Variants in HTR3B observed in about 807,000 individuals in gnomAD.
HTR3B encodes 5-hydroxytryptamine (serotonin) receptor 3B, ionotropic.
A neutral mutation model predicts 42.8 loss-of-function variants in HTR3B; 44 were observed. That is an observed-to-expected ratio of 1.03 (90% CI 0.81 to 1.32). The LOEUF (loss-of-function observed/expected upper bound fraction) is 1.32, where lower values mean the gene tolerates loss of function less well. HTR3B is among the 40% of genes most tolerant of loss of function. The pLI, the probability that HTR3B is intolerant of heterozygous loss-of-function variation, is 0.00. For missense variants in HTR3B, 527 were observed against 536.5 expected (o/e 0.98, Z 0.17); for synonymous variants, 203 against 209.0 (o/e 0.97, Z 0.25).
At chr11:113,907,671 C>T (rs141221142) in intron 1 of HTR3B, among the ~76,000 whole-genome samples, 10 of 152,224 alleles carry the variant, frequency 6.6e-5, no homozygotes, top group Admixed American at 4.6e-4. Context: ...TAGACAAGAT[C>T]GCAGAGGGGA....
At chr11:113,922,764 C>A (rs992554532) in intron 2 of HTR3B, among the ~76,000 whole-genome samples, 1 of 151,772 alleles carries the variant, frequency 6.6e-6, no homozygotes, top group African/African-American at 2.4e-5. Context: ...ACCATGTTAG[C>A]CGGGATGGTC....
chr11:113,912,489 C>T (rs575540107), intron 2 of HTR3B, among the ~76,000 whole-genome samples: 2 of 152,266 alleles, frequency 1.3e-5, no homozygotes, highest in Non-Finnish European at 2.9e-5. Flanking sequence ...GTGATCCACC[C>T]GCCTCGGCCT....
chr11:113,933,718 G>C lies in HTR3B; in HGVS notation c.696+625G>C, dbSNP rs539071215. 2.0e-5 allele frequency among the ~76,000 whole-genome samples: 3 copies of C among 152,278 alleles called. No individual in the cohort carries two copies. The East Asian group carries it at 5.8e-4, about 30-fold the overall frequency. ...GGGAAATTTGTCCGGCATGAAACTA[G>C]GGGATGGTGGGGTACAGGACAGTGA... is the stretch of plus-strand genomic sequence containing the variant. On this transcript the variant is annotated intron_variant, in intron 6 of 8. Transcript: ENST00000260191.
intron 1 of HTR3B, among the ~76,000 whole-genome samples, chr11:113,906,666 A>G (rs2137481584): frequency 6.6e-6 from 1 of 152,304 alleles, no homozygotes; most frequent in Admixed American, 6.5e-5. Context: ...ATGTAGCGTC[A>G]TGATTAAGAG....
At chr11:113,915,319 T>A (rs1949841595) in intron 2 of HTR3B, among the ~76,000 whole-genome samples, 1 of 152,198 alleles carries the variant, frequency 6.6e-6, no homozygotes, top group Non-Finnish European at 1.5e-5. Context: ...TATCTTTACA[T>A]ATTTCTTTTC....
chr11:113,932,191 T>C, intron 4 of HTR3B, 98 bp from the exon 5 acceptor site: 1 of 980,856 alleles, frequency 1.0e-6, no homozygotes, highest in East Asian at 2.4e-5. Context: ...GCTAGGCTGG[T>C]CCTGGACCTC....
intron 6 of HTR3B, among the ~76,000 whole-genome samples, chr11:113,941,118 C>T (rs777753038): frequency 2.0e-5 from 3 of 152,138 alleles, no homozygotes; most frequent in Admixed American, 1.3e-4. Flanking sequence ...TGAAAGTGTC[C>T]GGCACACTAT....
rs2137546233 is a variant in HTR3B, at chr11:113,948,226, T to C, written c.*2089T>C. ...CTGCTTTGACGTGCTCAGTTAGGCATCACGGTCCTGATGTCACCTTAGCTT... is the reference window on the plus strand; with the variant it reads ...CTGCTTTGACGTGCTCAGTTAGGCACCACGGTCCTGATGTCACCTTAGCTT... On this transcript the variant is annotated 3_prime_UTR_variant, in exon 9 of 9. Transcript: ENST00000260191. 6.6e-6 allele frequency among the ~76,000 whole-genome samples: 1 copy of C among 152,358 alleles called. No individual in the cohort carries two copies. Among genetic ancestry groups the C allele is most frequent in the African/African-American group, 2.4e-5 (1 of 41,588 alleles).
At chr11:113,902,397 C>CA (rs1949702363), upstream of HTR3B, among the ~76,000 whole-genome samples, 1 of 151,878 alleles carries the variant, frequency 6.6e-6, no homozygotes, top group Non-Finnish European at 1.5e-5. Flanking sequence ...TCTGGGTTCA[C>CA]AAGATTCTCA....
Position 113,943,018 on chromosome 11 carries a change from A to G in HTR3B, c.733A>G (p.Ser245Gly), listed in dbSNP as rs1464729259. 1.9e-6 allele frequency: 3 copies of G among 1,613,902 alleles called. No individual in the cohort carries two copies. The highest frequency in any genetic ancestry group is 4.5e-5 in the East Asian group (2 of 44,874). Reference protein sequence around the residue: ...MRRHPLVYVVSLLIPSIFLML... With the variant: ...MRRHPLVYVVGLLIPSIFLML... ...CAGGCACCCCCTGGTCTATGTCGTGAGTCTGCTGATTCCTAGCATCTTTCT... is the reference window on the plus strand; with the variant it reads ...CAGGCACCCCCTGGTCTATGTCGTGGGTCTGCTGATTCCTAGCATCTTTCT... The change falls in exon 7 of 9, where the codon AGT becomes GGT. Residue 245 changes from serine (S) to glycine (G), a missense_variant. Ser to Gly is a moderately conservative substitution (Grantham distance 56). Coordinates refer to ENST00000260191, the MANE Select transcript of HTR3B (RefSeq NM_006028.5).
chr11:113,907,583 A>C (rs1841556960), intron 1 of HTR3B, among the ~76,000 whole-genome samples: 4 of 152,020 alleles, frequency 2.6e-5, no homozygotes, highest in Non-Finnish European at 4.4e-5. Flanking sequence ...AGCTTCCAGA[A>C]CTTTCTCTTT....
chr11:113,936,921 A>T (rs1950096557), intron 6 of HTR3B, among the ~76,000 whole-genome samples: 1 of 152,206 alleles, frequency 6.6e-6, no homozygotes, highest in South Asian at 2.1e-4. Flanking sequence ...CCACACACAC[A>T]TTCGGAATTA....
chr11:113,913,551 G>A (rs988502773), intron 2 of HTR3B, among the ~76,000 whole-genome samples: 1 of 151,016 alleles, frequency 6.6e-6, no homozygotes, highest in Non-Finnish European at 1.5e-5. Flanking sequence ...ATCTCTCTCT[G>A]TCACCCAGGC....
upstream of HTR3B, among the ~76,000 whole-genome samples, chr11:113,902,302 T>TC (rs1949701886): frequency 6.6e-6 from 1 of 152,144 alleles, no homozygotes; most frequent in Admixed American, 6.5e-5. Flanking sequence ...TTTTTGTTTT[T>TC]TTTTTCTTTT....
chr11:113,931,693 T>C, intron 3 of HTR3B, 65 bp from the exon 4 acceptor site: 1 of 948,096 alleles, frequency 1.1e-6, no homozygotes, highest in Non-Finnish European at 1.7e-6. Context: ...AATGCCTCTT[T>C]AGTTCTTTAG....
chr11:113,916,828 G>A (rs1396870463), intron 2 of HTR3B, among the ~76,000 whole-genome samples: 1 of 151,942 alleles, frequency 6.6e-6, no homozygotes, highest in African/African-American at 2.4e-5. Context: ...GAATCTAGTT[G>A]TCTGTTGCTA....
chr11:113,903,610 G>A (rs570218978), upstream of HTR3B, among the ~76,000 whole-genome samples: 5 of 151,782 alleles, frequency 3.3e-5, no homozygotes, highest in East Asian at 7.8e-4. Context: ...TGTAGTTTCA[G>A]TAGAGATGGG....
chr11:113,933,140 TTGGCCTTCTCTCTTGGGCCA>T, intron 6 of HTR3B, 47 bp downstream of exon 6: 1 of 1,583,864 alleles, frequency 6.3e-7, no homozygotes, highest in Non-Finnish European at 8.6e-7. Flanking sequence ...TCCCCAGCCT[TTGGCCTTCTCTCTTGGGCCA>T]AGGAATTTCT....
At position 113,937,052 on chromosome 11, in the gene HTR3B, G is replaced by A. The variant is rs1406177711; in HGVS notation, c.696+3959G>A. On this transcript the variant is annotated intron_variant, in intron 6 of 8. Transcript: ENST00000260191. The stretch of plus-strand genomic sequence containing the variant: ...TGCTAACACCTGAAGGGTGTCTAAT[G>A]GGGAACATGGACTGAAACTAAAGTG... 2.6e-5 allele frequency among the ~76,000 whole-genome samples: 4 copies of A among 152,194 alleles called. No individual in the cohort carries two copies. The South Asian group carries it at 8.3e-4, about 32-fold the overall frequency.
Sources: gnomAD v4.1 joint callset for allele counts (sites outside exome capture counted in the v4.1 genomes callset) on GRCh38, gnomAD v4.1.1 for gene constraint, MANE v1.5 for transcripts, NCBI Gene and HGNC (gene_info 2026-07-23, HGNC 2026-07-21) for gene names.